Variants in CLNK observed in about 807,000 individuals in gnomAD.
CLNK encodes the protein cytokine-dependent hematopoietic cell linker.
In CLNK, 74 loss-of-function variants were observed where a neutral mutation model predicts 68.6. The observed-to-expected ratio is 1.08, with a 90% confidence interval of 0.89 to 1.31. The LOEUF is 1.31. Among genes scored for constraint, CLNK ranks in the 50% most tolerant of loss-of-function variants. The pLI, the probability that CLNK is intolerant of heterozygous loss-of-function variation, is 0.00. For missense variants in CLNK, 553 were observed against 515.3 expected (o/e 1.07, Z -0.71); for synonymous variants, 198 against 172.2 (o/e 1.15, Z -1.17).
chr4:10,721,664 A>C, the CLNK span, among the ~76,000 whole-genome samples: 1 of 152,194 alleles, frequency 6.6e-6, no homozygotes, highest in Non-Finnish European at 1.5e-5. Flanking sequence ...TTATTAATTC[A>C]CTTGTTTGCT....
At chr4:10,598,570 C>T (rs1411989804) in intron 2 of CLNK, 1 of 320,570 alleles carries the variant, frequency 3.1e-6, no homozygotes, top group Non-Finnish European at 6.2e-6. Flanking sequence ...GCAACAGCCA[C>T]TCTGATTCAA....
the CLNK span, among the ~76,000 whole-genome samples, chr4:10,691,230 A>T: frequency 6.6e-6 from 1 of 152,148 alleles, no homozygotes; most frequent in South Asian, 2.1e-4. Flanking sequence ...CATAATATGT[A>T]TAATATGGGG....
At chr4:10,618,895 C>T (rs1002019122) in intron 2 of CLNK, among the ~76,000 whole-genome samples, 3 of 152,208 alleles carry the variant, frequency 2.0e-5, no homozygotes, top group Non-Finnish European at 2.9e-5. Flanking sequence ...CACCAGGCCC[C>T]ACTTCCAGCA....
chr4:10,705,884 C>T, the CLNK span, among the ~76,000 whole-genome samples: 137,358 of 152,274 alleles, frequency 0.9, 62,112 homozygotes, highest in Admixed American at 0.94. Flanking sequence ...GTAAAGAGCA[C>T]GGGAAAAGTG....
intron 2 of CLNK, among the ~76,000 whole-genome samples, chr4:10,626,276 A>C (rs1441433234): frequency 6.6e-6 from 1 of 152,206 alleles, no homozygotes; most frequent in East Asian, 1.9e-4. Flanking sequence ...TGTCACCAGG[A>C]TGCCTGGATT....
intron 3 of CLNK, among the ~76,000 whole-genome samples, chr4:10,593,880 A>G (rs1387646456): frequency 1.3e-5 from 2 of 152,164 alleles, no homozygotes; most frequent in Non-Finnish European, 2.9e-5. Context: ...CACTGTTCCT[A>G]GCATCGCTGT....
At chr4:10,589,200 A>G (rs915059145) in intron 3 of CLNK, among the ~76,000 whole-genome samples, 6 of 152,226 alleles carry the variant, frequency 3.9e-5, no homozygotes, top group African/African-American at 1.4e-4. Flanking sequence ...AGGCATTTCC[A>G]GCTCCACTTT....
At chr4:10,535,213 GAGAAAGAAAGAAAGAAAGAA>G (rs57053319) in intron 11 of CLNK, among the ~76,000 whole-genome samples, 26,932 of 131,342 alleles carry the variant, frequency 0.21, 2,595 homozygotes, top group Admixed American at 0.28. Flanking sequence ...AAGAAAGAAA[GAGAAAGAAAGAAAGAAAGAA>G]AGAAAGAAAG....
the CLNK span, among the ~76,000 whole-genome samples, chr4:10,729,732 G>C: frequency 6.6e-6 from 1 of 152,138 alleles, no homozygotes; most frequent in Non-Finnish European, 1.5e-5. Flanking sequence ...CCTCTATACT[G>C]TAAGAACTGT....
the CLNK span, among the ~76,000 whole-genome samples, chr4:10,713,993 G>A: frequency 1.3e-5 from 2 of 152,042 alleles, no homozygotes; most frequent in African/African-American, 2.4e-5. Flanking sequence ...AAACATTATC[G>A]GCCAAACAAG....
intron 2 of CLNK, among the ~76,000 whole-genome samples, chr4:10,603,822 G>A (rs1408970048): frequency 6.6e-6 from 1 of 152,240 alleles, no homozygotes; most frequent in African/African-American, 2.4e-5. Flanking sequence ...AAAAGGTTAA[G>A]AGAGAGACCT....
At chr4:10,609,580 G>T (rs1721931140) in intron 2 of CLNK, among the ~76,000 whole-genome samples, 1 of 152,238 alleles carries the variant, frequency 6.6e-6, no homozygotes, top group South Asian at 2.1e-4. Context: ...AAGAGCAGCA[G>T]AGGAAATATT....
Position 10,565,990 on chromosome 4 carries a change from G to A in CLNK, c.292+19C>T. 7 of 1,610,686 alleles carry A rather than the reference G, an allele frequency of 4.3e-6. No homozygotes were observed. The highest frequency in any genetic ancestry group is 5.9e-6 in the Non-Finnish European group (7 of 1,178,072). On this transcript the variant is annotated intron_variant, in intron 6 of 18. Transcript: ENST00000226951. ...ATGTACATGCATCTTCTTATTTCAG[G>A]CAGACCCCCAAACGTTACCTGCATA...
intron 17 of CLNK, among the ~76,000 whole-genome samples, chr4:10,503,740 A>G (rs1299620536): frequency 6.8e-6 from 1 of 147,416 alleles, no homozygotes; most frequent in Non-Finnish European, 1.5e-5. Flanking sequence ...GAGATTTGCC[A>G]AGCACTTTAC....
At chr4:10,538,083 GAAC>G (rs1257066737) in intron 11 of CLNK, among the ~76,000 whole-genome samples, 1 of 151,938 alleles carries the variant, frequency 6.6e-6, no homozygotes, top group Admixed American at 6.6e-5. Flanking sequence ...TCTCCACACT[GAAC>G]AACCTCATCA....
At chr4:10,698,280 T>A in the CLNK span, among the ~76,000 whole-genome samples, 1 of 152,188 alleles carries the variant, frequency 6.6e-6, no homozygotes, top group East Asian at 1.9e-4. Flanking sequence ...TTAAACATTA[T>A]TCTTAATACA....
At chr4:10,525,432 C>G (rs1718271391) in intron 14 of CLNK, among the ~76,000 whole-genome samples, 1 of 152,194 alleles carries the variant, frequency 6.6e-6, no homozygotes, top group Non-Finnish European at 1.5e-5. Flanking sequence ...AGGCAGGTAT[C>G]TAATCTGATG....
rs541585015 is a variant in CLNK, at chr4:10,609,267, C to T, written c.12-11218G>A. The stretch of plus-strand genomic sequence containing the variant: ...CAGGACAGTCTACCTGGCTCTGGCC[C>T]TATTTTCCCTTGGTACTCAGCTCTA... On this transcript the variant is annotated intron_variant, in intron 2 of 18. Coordinates refer to ENST00000226951, the MANE Select transcript of CLNK (RefSeq NM_052964.4). 4.9e-3 allele frequency among the ~76,000 whole-genome samples: 746 copies of T among 152,310 alleles called. 1 individual carries two copies. Among genetic ancestry groups the T allele is most frequent in the Non-Finnish European group, 8.2e-3 (560 of 68,028 alleles).
chr4:10,678,505 A>G (rs1724959242), intron 1 of CLNK, among the ~76,000 whole-genome samples: 1 of 152,182 alleles, frequency 6.6e-6, no homozygotes, highest in Admixed American at 6.6e-5. Flanking sequence ...CATTTGAGGA[A>G]TTGTAAGACA....
Sources: gnomAD v4.1 joint callset for allele counts (sites outside exome capture counted in the v4.1 genomes callset) on GRCh38, gnomAD v4.1.1 for gene constraint, MANE v1.5 for transcripts, NCBI Gene and HGNC (gene_info 2026-07-23, HGNC 2026-07-21) for gene names.